FSTL5: variants seen among roughly 807,000 people sequenced by gnomAD.
FSTL5 encodes the protein follistatin-related protein 5.
A neutral mutation model predicts 89.1 loss-of-function variants in FSTL5; 62 were observed. The observed-to-expected ratio is 0.70, with a 90% CI of 0.57 to 0.86. The LOEUF (loss-of-function observed/expected upper bound fraction) is 0.86, where lower values mean the gene tolerates loss of function less well. FSTL5 is among the 40% of genes least tolerant of loss of function. The pLI, the probability that FSTL5 is intolerant of heterozygous loss-of-function variation, is 0.00. For synonymous variants in FSTL5, 383 were observed against 346.2 expected (o/e 1.11, Z -1.18); for missense variants, 1,057 against 1,001.6 (o/e 1.06, Z -0.75).
At position 161,437,565 on chromosome 4, in the gene FSTL5, C is replaced by CAAAAAAAAAAAAA. The variant is rs56229701; in HGVS notation, c.1841+17426_1841+17438dup. 9.6e-4 allele frequency among the ~76,000 whole-genome samples: 66 copies of CAAAAAAAAAAAAA among 68,506 alleles called. 7 individuals are homozygous for CAAAAAAAAAAAAA. The highest frequency in any genetic ancestry group is 2.3e-3 in the East Asian group (3 of 1,330). The allele number at this position is 68,506 out of a possible 152,430, so 44.9% of individuals were successfully genotyped here. On this transcript the variant is annotated intron_variant, in intron 15 of 15. Coordinates refer to ENST00000306100, the MANE Select transcript of FSTL5 (RefSeq NM_020116.5). ...CTGGTGACAGAGTGAGACTCCGTCT[C>CAAAAAAAAAAAAA]AAAAAAAAAAAAAAAAACGAGGTCA...
Position 162,053,748 on chromosome 4 carries a change from C to T in FSTL5, c.127-20090G>A, listed in dbSNP as rs529411899. Among the ~76,000 whole-genome samples the T allele has an allele frequency of 6.0e-3, 904 of 151,724 alleles. 5 individuals are homozygous for T. The highest frequency in any genetic ancestry group is 0.01 in the Non-Finnish European group (692 of 67,690). On this transcript the variant is annotated intron_variant, in intron 2 of 15. Coordinates refer to ENST00000306100, the MANE Select transcript of FSTL5 (RefSeq NM_020116.5). ...TATTCTAGAAAAATACATATAACATCAAATCCAACTTTAGAAGATATAGAT... is the reference window on the plus strand; with the variant it reads ...TATTCTAGAAAAATACATATAACATTAAATCCAACTTTAGAAGATATAGAT...
intron 13 of FSTL5, among the ~76,000 whole-genome samples, chr4:161,467,727 A>G (rs547476309): frequency 3.0e-4 from 46 of 152,274 alleles, no homozygotes; most frequent in Admixed American, 9.8e-4. Flanking sequence ...TAAGACAAAT[A>G]TAAGGGTGTG....
chr4:162,131,523 T>C (rs969543500), intron 1 of FSTL5, among the ~76,000 whole-genome samples: 1 of 152,202 alleles, frequency 6.6e-6, no homozygotes, highest in African/African-American at 2.4e-5. Context: ...CCAAAAGATA[T>C]ACTTTGGATC....
chr4:161,904,743 C>A (rs1207973338), intron 4 of FSTL5, among the ~76,000 whole-genome samples: 12 of 151,710 alleles, frequency 7.9e-5, no homozygotes, highest in African/African-American at 2.9e-4. Flanking sequence ...TATAAATGTG[C>A]CTTCTTATTT....
intron 4 of FSTL5, among the ~76,000 whole-genome samples, chr4:161,795,815 G>T (rs1333267144): frequency 6.6e-6 from 1 of 151,842 alleles, no homozygotes. Flanking sequence ...CTGTTTCTAT[G>T]CCAGTACCAT....
At chr4:161,628,597 AAAAAGGACATCTGAGATCACGTTAGCCCG>A (rs1735392079) in intron 7 of FSTL5, among the ~76,000 whole-genome samples, 1 of 152,230 alleles carries the variant, frequency 6.6e-6, no homozygotes, top group South Asian at 2.1e-4. Flanking sequence ...GAGAGATGCC[AAAAAGGACATCTGAGATCACGTTAGCCCG>A]TTAAGTGTAA....
intron 2 of FSTL5, among the ~76,000 whole-genome samples, chr4:162,040,390 T>C (rs1674055752): frequency 6.6e-6 from 1 of 152,088 alleles, no homozygotes; most frequent in Non-Finnish European, 1.5e-5. Context: ...TGTGTTATTC[T>C]GACACATGAA....
intron 8 of FSTL5, among the ~76,000 whole-genome samples, chr4:161,547,769 T>C (rs1336925545): frequency 6.6e-6 from 1 of 151,896 alleles, no homozygotes; most frequent in Non-Finnish European, 1.5e-5. Context: ...ATAAGGGTTA[T>C]CTTAAGCACT....
chr4:161,727,150 G>A (rs548692512), intron 6 of FSTL5, among the ~76,000 whole-genome samples: 1 of 152,224 alleles, frequency 6.6e-6, no homozygotes, highest in Non-Finnish European at 1.5e-5. Context: ...TGTGAAAATT[G>A]CAATGGCTGA....
intron 15 of FSTL5, among the ~76,000 whole-genome samples, chr4:161,412,618 G>A (rs1258492648): frequency 6.6e-6 from 1 of 152,158 alleles, no homozygotes; most frequent in Non-Finnish European, 1.5e-5. Context: ...CCTGCAGGTT[G>A]TGCATGTGTA....
intron 8 of FSTL5, among the ~76,000 whole-genome samples, chr4:161,561,384 G>T (rs2126571142): frequency 1.3e-5 from 2 of 152,126 alleles, no homozygotes; most frequent in Non-Finnish European, 2.9e-5. Flanking sequence ...AAGATAAATG[G>T]AAAGTGAGAG....
intron 12 of FSTL5, among the ~76,000 whole-genome samples, chr4:161,488,473 C>T (rs1729753097): frequency 6.6e-6 from 1 of 151,956 alleles, no homozygotes; most frequent in African/African-American, 2.4e-5. Flanking sequence ...CTATCATAAG[C>T]TGAGCATTGT....
At chr4:161,624,596 A>T (rs1735250000) in intron 7 of FSTL5, among the ~76,000 whole-genome samples, 1 of 151,900 alleles carries the variant, frequency 6.6e-6, no homozygotes, top group Admixed American at 6.6e-5. Flanking sequence ...ACATGATTGT[A>T]AATTTATTAT....
chr4:161,557,007 T>A (rs1344044091), intron 8 of FSTL5, among the ~76,000 whole-genome samples: 1 of 151,308 alleles, frequency 6.6e-6, no homozygotes, highest in African/African-American at 2.4e-5. Flanking sequence ...TTAATGGGAA[T>A]TGTAAATGAA....
At chr4:161,660,212 A>G (rs1040054705) in intron 6 of FSTL5, among the ~76,000 whole-genome samples, 2 of 152,188 alleles carry the variant, frequency 1.3e-5, no homozygotes, top group Non-Finnish European at 1.5e-5. Flanking sequence ...AGGGAAGTCA[A>G]GAGGCAAGTA....
chr4:161,586,568 G>A (rs1370346040), intron 8 of FSTL5, among the ~76,000 whole-genome samples: 2 of 152,072 alleles, frequency 1.3e-5, no homozygotes, highest in Non-Finnish European at 2.9e-5. Context: ...TATATTTTAA[G>A]CTACCACTAT....
At chr4:161,565,006 T>C (rs558174502) in intron 8 of FSTL5, among the ~76,000 whole-genome samples, 21 of 151,904 alleles carry the variant, frequency 1.4e-4, no homozygotes, top group Non-Finnish European at 2.5e-4. Flanking sequence ...TATTTTGTTA[T>C]AAAACACACT....
chr4:161,870,695 G>A (rs17536551), intron 4 of FSTL5, among the ~76,000 whole-genome samples: 38,026 of 151,986 alleles, frequency 0.25, 5,307 homozygotes, highest in Non-Finnish European at 0.3. Flanking sequence ...TTACCTTAAG[G>A]TTGTATTAGA....
intron 4 of FSTL5, among the ~76,000 whole-genome samples, chr4:161,883,323 T>C (rs989299721): frequency 6.6e-6 from 1 of 152,230 alleles, no homozygotes; most frequent in African/African-American, 2.4e-5. Flanking sequence ...TCAAAAACAT[T>C]CTTTAACAAA....
Sources: gnomAD v4.1 joint callset for allele counts (sites outside exome capture counted in the v4.1 genomes callset) on GRCh38, gnomAD v4.1.1 for gene constraint, MANE v1.5 for transcripts, NCBI Gene and HGNC (gene_info 2026-07-23, HGNC 2026-07-21) for gene names.